NPAS3: variants seen among roughly 807,000 people sequenced by gnomAD.
NPAS3 encodes neuronal PAS domain-containing protein 3.
A neutral mutation model predicts 73.1 loss-of-function variants in NPAS3; 14 were observed. The observed-to-expected ratio is 0.19, with a 90% CI of 0.13 to 0.30. The LOEUF (loss-of-function observed/expected upper bound fraction) is 0.30, where lower values mean the gene tolerates loss of function less well. Ranked by LOEUF, NPAS3 falls within the 10% of genes least tolerant of loss-of-function variation. NPAS3 has a pLI of 1.00. For missense variants in NPAS3, 1,096 were observed against 1,250.0 expected, an observed-to-expected ratio of 0.88 and a Z score of 1.86; for synonymous variants, 620 against 541.5, an observed-to-expected ratio of 1.14 and a Z score of -2.01.
chr14:33,417,404 C>G (rs938011644), intron 4 of NPAS3, among the ~76,000 whole-genome samples: 1 of 151,998 alleles, frequency 6.6e-6, no homozygotes, highest in African/African-American at 2.4e-5. Context: ...TATCTGTTCC[C>G]TCAGAATTTG....
chr14:33,528,786 T>C (rs538238785), intron 4 of NPAS3, among the ~76,000 whole-genome samples: 9 of 152,218 alleles, frequency 5.9e-5, no homozygotes, highest in African/African-American at 2.2e-4. Flanking sequence ...TTAGGAAGAT[T>C]CTTAACTTCT....
At chr14:33,652,935 T>C (rs1342323740) in intron 5 of NPAS3, among the ~76,000 whole-genome samples, 1 of 152,172 alleles carries the variant, frequency 6.6e-6, no homozygotes, top group Non-Finnish European at 1.5e-5. Context: ...AATTTAGGTT[T>C]CCAAAGTGAA....
intron 4 of NPAS3, among the ~76,000 whole-genome samples, chr14:33,421,350 A>G (rs1594877659): frequency 6.6e-6 from 1 of 151,928 alleles, no homozygotes; most frequent in Non-Finnish European, 1.5e-5. Flanking sequence ...CTATTTTTCA[A>G]CAAAGGAATT....
At chr14:33,594,113 G>T (rs2057160024) in intron 5 of NPAS3, among the ~76,000 whole-genome samples, 1 of 152,082 alleles carries the variant, frequency 6.6e-6, no homozygotes, top group South Asian at 2.1e-4. Context: ...ATTTGCAGGG[G>T]GATTCCAGGA....
chr14:33,011,861 G>A (rs1347791088), intron 1 of NPAS3, among the ~76,000 whole-genome samples: 1 of 152,180 alleles, frequency 6.6e-6, no homozygotes, highest in Non-Finnish European at 1.5e-5. Context: ...CTCTTGGTTT[G>A]TGGCAGACAT....
intron 5 of NPAS3, among the ~76,000 whole-genome samples, chr14:33,619,806 A>C (rs570482553): frequency 1.3e-5 from 2 of 152,230 alleles, no homozygotes; most frequent in Non-Finnish European, 2.9e-5. Flanking sequence ...ATAGACGAAG[A>C]TATCCATTTA....
intron 3 of NPAS3, among the ~76,000 whole-genome samples, chr14:33,303,673 T>C (rs1001401656): frequency 6.6e-6 from 1 of 152,196 alleles, no homozygotes; most frequent in Non-Finnish European, 1.5e-5. Flanking sequence ...CAAAGTAGGT[T>C]TGTTGCCTCA....
At chr14:33,331,996 C>T (rs926811716) in intron 3 of NPAS3, among the ~76,000 whole-genome samples, 2 of 152,216 alleles carry the variant, frequency 1.3e-5, no homozygotes, top group Non-Finnish European at 2.9e-5. Flanking sequence ...ACCTACTTGT[C>T]TAATTTCCTT....
At chr14:33,641,850 T>C (rs1321429826) in intron 5 of NPAS3, among the ~76,000 whole-genome samples, 2 of 152,196 alleles carry the variant, frequency 1.3e-5, no homozygotes, top group Non-Finnish European at 2.9e-5. Context: ...ATTTTTCAAA[T>C]TGAATTGGTG....
chr14:33,429,675 A>G (rs2139131637), intron 4 of NPAS3, among the ~76,000 whole-genome samples: 1 of 152,266 alleles, frequency 6.6e-6, no homozygotes, highest in East Asian at 1.9e-4. Flanking sequence ...CAGAAGCACC[A>G]TATTTATGGA....
intron 2 of NPAS3, among the ~76,000 whole-genome samples, chr14:33,132,896 T>C (rs1372619847): frequency 6.6e-6 from 1 of 152,178 alleles, no homozygotes; most frequent in South Asian, 2.1e-4. Context: ...TTAATTCTCA[T>C]ATGAACCATG....
intron 3 of NPAS3, among the ~76,000 whole-genome samples, chr14:33,229,303 T>C (rs2047753197): frequency 6.6e-6 from 1 of 152,152 alleles, no homozygotes; most frequent in Admixed American, 6.5e-5. Context: ...AAGAGAGAAG[T>C]TTGAATGAAG....
At chr14:33,735,293 G>T in exon 7 of NPAS3, 1 of 1,613,580 alleles carries the variant, frequency 6.2e-7, no homozygotes, top group South Asian at 1.1e-5. Flanking sequence ...AATCTACTCT[G>T]ACCAAACGCG....
intron 6 of NPAS3, among the ~76,000 whole-genome samples, chr14:33,726,227 T>C (rs2061260552): frequency 1.3e-5 from 2 of 152,214 alleles, no homozygotes; most frequent in East Asian, 3.8e-4. Context: ...TGGAGATCTC[T>C]AAAGACTTGC....
chr14:32,968,743 C>T (rs2037294321), intron 1 of NPAS3, among the ~76,000 whole-genome samples: 2 of 150,184 alleles, frequency 1.3e-5, no homozygotes, highest in Non-Finnish European at 3.0e-5. Flanking sequence ...GAGTCAAACG[C>T]TGGGGCCAGG....
chr14:33,139,039 T>G (rs2043945779), intron 2 of NPAS3, among the ~76,000 whole-genome samples: 1 of 152,210 alleles, frequency 6.6e-6, no homozygotes, highest in Admixed American at 6.5e-5. Flanking sequence ...AGATTTTCTC[T>G]TCTCTTGACT....
chr14:33,539,394 T>G (rs2054404139), intron 4 of NPAS3, among the ~76,000 whole-genome samples: 1 of 151,924 alleles, frequency 6.6e-6, no homozygotes, highest in South Asian at 2.1e-4. Context: ...AGTGTGGGAA[T>G]TAGGGATCAA....
chr14:33,488,399 C>T (rs2051716498), intron 4 of NPAS3, among the ~76,000 whole-genome samples: 1 of 151,996 alleles, frequency 6.6e-6, no homozygotes, highest in African/African-American at 2.4e-5. Flanking sequence ...AGTGCTTTTA[C>T]GCAGCCCCGT....
In NPAS3 at chr14:33,130,172, C is replaced by T. The variant is rs181684493; in HGVS notation, c.140+74178C>T. Reference sequence around the variant, plus strand: ...ATGGCCAATTCCTTCTTTATGCGTACGGCAGACCATAATGGAGGATTTGTT... The same window carrying T: ...ATGGCCAATTCCTTCTTTATGCGTATGGCAGACCATAATGGAGGATTTGTT... On this transcript the variant is annotated intron_variant, in intron 2 of 11. Coordinates refer to ENST00000356141, the Ensembl canonical transcript of NPAS3. Among the ~76,000 whole-genome samples the T allele has an allele frequency of 4.3e-4, 65 of 152,248 alleles. 1 individual carries two copies. The East Asian group carries it at 9.7e-3, about 23-fold the overall frequency.
Sources: gnomAD v4.1 joint callset for allele counts (sites outside exome capture counted in the v4.1 genomes callset) on GRCh38, gnomAD v4.1.1 for gene constraint, MANE v1.5 for transcripts, NCBI Gene and HGNC (gene_info 2026-07-23, HGNC 2026-07-21) for gene names.